The following OPRM1 variants were observed in gnomAD, a reference collection of about 807,000 sequenced individuals.
OPRM1 encodes opioid receptor mu 1.
Under a neutral mutation model 31.8 loss-of-function variants are expected in OPRM1, and 27 were observed. The ratio of observed to expected loss-of-function variants is 0.85; its 90% CI spans 0.63 to 1.17. The LOEUF is 1.17. Among genes scored for constraint, OPRM1 ranks in the 50% most tolerant of loss-of-function variants. OPRM1 has a pLI of 0.00. For synonymous variants in OPRM1, 196 were observed against 189.9 expected, an observed-to-expected ratio of 1.03 and a Z score of -0.26; for missense variants, 536 against 511.1, an observed-to-expected ratio of 1.05 and a Z score of -0.47.
intron 1 of OPRM1, among the ~76,000 whole-genome samples, chr6:154,060,664 T>C (rs916507436): frequency 1.2e-4 from 19 of 152,148 alleles, no homozygotes; most frequent in African/African-American, 4.3e-4. Flanking sequence ...TGTATGAGTT[T>C]TTTCCCCCGA....
At chr6:154,132,951 C>G (rs535032917), downstream of OPRM1, among the ~76,000 whole-genome samples, 1 of 152,148 alleles carries the variant, frequency 6.6e-6, no homozygotes, top group African/African-American at 2.4e-5. Flanking sequence ...GAAACCCCAT[C>G]TCTACTAAAA....
At chr6:154,136,267 C>T (rs993386980), downstream of OPRM1, among the ~76,000 whole-genome samples, 2 of 152,172 alleles carry the variant, frequency 1.3e-5, no homozygotes, top group Admixed American at 6.5e-5. Flanking sequence ...CTCTATCTCC[C>T]CATCACCACT....
downstream of OPRM1, among the ~76,000 whole-genome samples, chr6:154,133,203 C>T (rs752238009): frequency 6.6e-6 from 1 of 151,872 alleles, no homozygotes; most frequent in South Asian, 2.1e-4. Context: ...GAGTTATTTA[C>T]AAGGGCCTTT....
chr6:154,203,911 G>T (rs995323576), intron 3 of OPRM1, among the ~76,000 whole-genome samples: 3 of 152,112 alleles, frequency 2.0e-5, no homozygotes, highest in Non-Finnish European at 4.4e-5. Context: ...TGATTTATCC[G>T]AATCCCAGGA....
chr6:154,225,964 G>A (rs1306497280), intron 3 of OPRM1, among the ~76,000 whole-genome samples: 2 of 152,130 alleles, frequency 1.3e-5, no homozygotes, highest in Non-Finnish European at 2.9e-5. Flanking sequence ...TCTAAGTGAC[G>A]CTGTAGCTGC....
intron 1 of OPRM1, among the ~76,000 whole-genome samples, chr6:154,061,809 T>TA (rs1214637839): frequency 2.7e-5 from 4 of 146,026 alleles, no homozygotes; most frequent in African/African-American, 2.5e-5. Context: ...ATGTACTCCC[T>TA]AAAAAAAAAT....
At chr6:154,076,850 G>A (rs756496133) in intron 1 of OPRM1, among the ~76,000 whole-genome samples, 12 of 151,620 alleles carry the variant, frequency 7.9e-5, no homozygotes, top group African/African-American at 2.7e-4. Flanking sequence ...TGATACTTCC[G>A]GGTTTTATTT....
At chr6:154,199,564 C>A (rs997773883) in intron 3 of OPRM1, 2 of 1,303,088 alleles carry the variant, frequency 1.5e-6, no homozygotes, top group African/African-American at 3.0e-5. Flanking sequence ...ATTATTGAAT[C>A]ATCATTCATG....
chr6:154,210,962 A>C (rs1401481295), intron 3 of OPRM1, among the ~76,000 whole-genome samples: 1 of 152,226 alleles, frequency 6.6e-6, no homozygotes, highest in East Asian at 1.9e-4. Flanking sequence ...TCAATATAAT[A>C]CCTTAAATCC....
At chr6:154,215,275 A>G (rs902303911) in intron 3 of OPRM1, among the ~76,000 whole-genome samples, 2 of 138,104 alleles carry the variant, frequency 1.4e-5, no homozygotes, top group Non-Finnish European at 3.1e-5. Context: ...TCAACCTGCC[A>G]TGGTCTTGTT....
intron 1 of OPRM1, among the ~76,000 whole-genome samples, chr6:154,027,948 C>G (rs1318372406): frequency 2.0e-5 from 3 of 152,174 alleles, no homozygotes; most frequent in Admixed American, 6.5e-5. Flanking sequence ...CCCCATGAAC[C>G]TACTAAGTAC....
intron 3 of OPRM1, chr6:154,094,408 T>C (rs2128491691): frequency 2.5e-6 from 1 of 405,076 alleles, no homozygotes; most frequent in Non-Finnish European, 4.9e-6. Context: ...TCAGCTTTTG[T>C]TACATTACAA....
intron 3 of OPRM1, among the ~76,000 whole-genome samples, chr6:154,246,231 T>G (rs1379683828): frequency 6.6e-6 from 1 of 152,204 alleles, no homozygotes; most frequent in African/African-American, 2.4e-5. Flanking sequence ...AGAGAGACCT[T>G]AACTATGTAA....
chr6:154,039,214 T>C, upstream of OPRM1: 1 of 1,551,732 alleles, frequency 6.4e-7, no homozygotes, highest in Non-Finnish European at 8.7e-7. Context: ...TGGATCGCTT[T>C]GCGCAAAATC....
At chr6:154,180,157 A>C (rs563535628) in intron 3 of OPRM1, among the ~76,000 whole-genome samples, 1 of 152,288 alleles carries the variant, frequency 6.6e-6, no homozygotes, top group Admixed American at 6.5e-5. Flanking sequence ...GGCTTTGCTC[A>C]AAGGAGTATG....
chr6:154,141,301 G>A (rs1020658510), intron 3 of OPRM1, among the ~76,000 whole-genome samples: 6 of 152,054 alleles, frequency 3.9e-5, no homozygotes, highest in Admixed American at 2.0e-4. Flanking sequence ...ATATTCTAAC[G>A]GTTAGCTTAC....
At chr6:154,106,476 G>T (rs2128510099) in intron 3 of OPRM1, among the ~76,000 whole-genome samples, 1 of 152,300 alleles carries the variant, frequency 6.6e-6, no homozygotes, top group South Asian at 2.1e-4. Context: ...CAGGCAAGTT[G>T]TACGGTAAGA....
downstream of OPRM1, among the ~76,000 whole-genome samples, chr6:154,133,538 C>T (rs553038372): frequency 4.6e-5 from 7 of 152,330 alleles, no homozygotes; most frequent in South Asian, 1.5e-3. Context: ...GAGTATTTAT[C>T]TAGAAATTGA....
chr6:154,039,954 G>A, intron 1 of OPRM1, 120 bp downstream of exon 1: 1 of 880,648 alleles, frequency 1.1e-6, no homozygotes, highest in Non-Finnish European at 1.7e-6. Flanking sequence ...GTAAACTGGG[G>A]GGACTCTGGA....
Sources: allele counts gnomAD v4.1 joint callset (sites outside exome capture counted in the v4.1 genomes callset), GRCh38; gene constraint gnomAD v4.1.1; transcripts MANE v1.5; gene names NCBI Gene and HGNC (gene_info 2026-07-23, HGNC 2026-07-21).